The following NDUFS5 variants were observed in gnomAD, a reference collection of about 807,000 sequenced individuals.
NDUFS5 encodes NADH dehydrogenase [ubiquinone] iron-sulfur protein 5.
Under a neutral mutation model 10.5 loss-of-function variants are expected in NDUFS5, and 7 were observed. That is an observed-to-expected ratio of 0.66 (90% CI 0.38 to 1.25). NDUFS5 has a LOEUF of 1.25. NDUFS5 is among the 50% of genes most tolerant of loss of function. The pLI is 0.02. For missense variants in NDUFS5, 148 were observed against 140.7 expected (o/e 1.05, Z -0.26); for synonymous variants, 38 against 44.0 (o/e 0.86, Z 0.54).
chr1:39,034,237 G>A (rs1249459037), intron 2 of NDUFS5, among the ~76,000 whole-genome samples, 155 bp from the exon 3 acceptor site: 1 of 152,152 alleles, frequency 6.6e-6, no homozygotes, highest in African/African-American at 2.4e-5. Flanking sequence ...GTGATTTCAT[G>A]TTAATTCTTT....
chr1:39,027,204 G>A (rs1385987151), intron 1 of NDUFS5, among the ~76,000 whole-genome samples: 2 of 152,138 alleles, frequency 1.3e-5, no homozygotes, highest in African/African-American at 2.4e-5. Context: ...CCGAGTAGCT[G>A]GGATTACAGG....
At chr1:39,032,155 C>T (rs558974694) in intron 2 of NDUFS5, among the ~76,000 whole-genome samples, 47 of 152,208 alleles carry the variant, frequency 3.1e-4, no homozygotes, top group African/African-American at 1.1e-3. Context: ...AAGAGTGAAA[C>T]TCTGTGTCAA....
At chr1:39,028,568 G>A (rs1158026864) in intron 1 of NDUFS5, among the ~76,000 whole-genome samples, 155 bp from the exon 2 acceptor site, 1 of 152,188 alleles carries the variant, frequency 6.6e-6, no homozygotes, top group Admixed American at 6.5e-5. Context: ...CCTATTTAAT[G>A]AAAAAGTTTG....
At chr1:39,028,133 T>TA (rs1382846708) in intron 1 of NDUFS5, among the ~76,000 whole-genome samples, 1 of 138,694 alleles carries the variant, frequency 7.2e-6, no homozygotes, top group Non-Finnish European at 1.6e-5. Context: ...AAGTGGCTGA[T>TA]TTAAAAAAAA....
intron 1 of NDUFS5, among the ~76,000 whole-genome samples, chr1:39,027,811 CTTCTTTTTTTTTTTT>C (rs1557651108): frequency 1.5e-4 from 9 of 58,620 alleles, no homozygotes; most frequent in Non-Finnish European, 1.5e-4. Context: ...TTTTCTTCTT[CTTCTTTTTTTTTTTT>C]TTTTTTTTTT....
chr1:39,032,470 ACTT>A (rs1197568235), intron 2 of NDUFS5, among the ~76,000 whole-genome samples: 3 of 152,264 alleles, frequency 2.0e-5, no homozygotes, highest in Admixed American at 6.5e-5. Flanking sequence ...TATCAACACT[ACTT>A]CTTTAAGGTT....
chr1:39,029,938 A>G (rs1014562269), intron 2 of NDUFS5, among the ~76,000 whole-genome samples: 1 of 151,708 alleles, frequency 6.6e-6, no homozygotes, highest in Non-Finnish European at 1.5e-5. Context: ...TAAAAATACA[A>G]AAATTAGCAG....
At position 39,034,424 on chromosome 1, in the gene NDUFS5, G is replaced by A. The variant is rs1644214385; in HGVS notation, c.249G>A (p.Arg83=). 6.2e-7 allele frequency: 1 copy of A among 1,613,406 alleles called. No homozygotes were observed. The highest frequency in any genetic ancestry group is 1.3e-5 in the African/African-American group (1 of 74,868). The change falls in exon 3 of 3, where the codon CGG becomes CGA. Residue 83 remains arginine (R), a synonymous_variant. Transcript: ENST00000372969. ...GTGCAGGTACCATCAGGAAGCAGCGGGATAAGCTGATAAAGGAAGGAAAGT... is the reference window on the plus strand; with the variant it reads ...GTGCAGGTACCATCAGGAAGCAGCGAGATAAGCTGATAAAGGAAGGAAAGT... The part of the protein sequence containing the change: ...MRRAGTIRKQ[R]DKLIKEGKYT...
At chr1:39,030,771 C>T (rs995814112) in intron 2 of NDUFS5, among the ~76,000 whole-genome samples, 2 of 151,244 alleles carry the variant, frequency 1.3e-5, no homozygotes, top group African/African-American at 4.9e-5. Context: ...TTGATACCAA[C>T]AGGAGGCATT....
intron 2 of NDUFS5, 150 bp downstream of exon 2, chr1:39,029,090 T>C (rs1251141906): frequency 1.4e-6 from 1 of 697,554 alleles, no homozygotes; most frequent in Non-Finnish European, 2.3e-6. Flanking sequence ...CCTCCCAGGT[T>C]CAGGCGATTC....
chr1:39,033,802 T>G (rs566774324), intron 2 of NDUFS5, among the ~76,000 whole-genome samples: 141 of 149,184 alleles, frequency 9.5e-4, no homozygotes, highest in South Asian at 4.3e-3. Flanking sequence ...GGCCCAACTT[T>G]TATTTATTTA....
At chr1:39,032,298 T>C (rs1314770744) in intron 2 of NDUFS5, among the ~76,000 whole-genome samples, 1 of 152,230 alleles carries the variant, frequency 6.6e-6, no homozygotes, top group Non-Finnish European at 1.5e-5. Flanking sequence ...TATGCTTTTA[T>C]CCAGAGTTAC....
Position 39,028,875 on chromosome 1 carries a change from C to T in NDUFS5, c.151C>T (p.Arg51Trp). 6 of 1,613,928 alleles carry T rather than the reference C, an allele frequency of 3.7e-6. No individual in the cohort carries two copies. The highest frequency in any genetic ancestry group is 1.1e-5 in the South Asian group (1 of 91,058). ...ATGTGCACATGGAATCGGTTATACT[C>T]GGGCAGAGAAAGAGTGCAAGATAGA... is the stretch of plus-strand genomic sequence containing the variant. ...IECAHGIGYT[R>W]AEKECKIEYD... Residue 51 changes from arginine to tryptophan, a missense_variant, in exon 2 of 3, where the codon CGG becomes TGG. Physicochemically the swap from Arg to Trp is moderately radical, Grantham distance 101 (BLOSUM62 -3). Coordinates refer to ENST00000372969, the MANE Select transcript of NDUFS5 (RefSeq NM_004552.3).
chr1:39,028,357 TGGA>T (rs2148080910), intron 1 of NDUFS5, among the ~76,000 whole-genome samples: 1 of 151,778 alleles, frequency 6.6e-6, no homozygotes, highest in East Asian at 2.0e-4. Flanking sequence ...GCTTGAACCC[TGGA>T]GGAGGAGGTT....
intron 2 of NDUFS5, among the ~76,000 whole-genome samples, chr1:39,033,426 A>G (rs1271203720): frequency 3.3e-5 from 5 of 151,276 alleles, no homozygotes; most frequent in African/African-American, 1.2e-4. Context: ...ACAAAAAATT[A>G]GCCGGGTGTG....
chr1:39,030,144 C>T (rs1644179782), intron 2 of NDUFS5, among the ~76,000 whole-genome samples: 1 of 151,434 alleles, frequency 6.6e-6, no homozygotes, highest in East Asian at 1.9e-4. Flanking sequence ...GTGGCTCATG[C>T]CTGTGATCCC....
Position 39,027,180 on chromosome 1 carries a change from C to T in NDUFS5, c.-3+778C>T, listed in dbSNP as rs180766746. Among the ~76,000 whole-genome samples, 11 of 152,298 alleles carry T rather than the reference C, an allele frequency of 7.2e-5. No individual in the cohort carries two copies. The East Asian group carries it at 1.5e-3, about 21-fold the overall frequency. ...CTGCCTCCCGGATTCAAGCGATTCT[C>T]CTCCCTGAGACTCCCGAGTAGCTGG... On this transcript the variant is annotated intron_variant, in intron 1 of 2. Transcript: ENST00000372969.
At chr1:39,027,581 GTTT>G (rs760373747) in intron 1 of NDUFS5, among the ~76,000 whole-genome samples, 21 of 91,160 alleles carry the variant, frequency 2.3e-4, no homozygotes, top group South Asian at 1.9e-3. Context: ...TTTCGCTCTG[GTTT>G]TTTTTTTTTT....
In NDUFS5 at chr1:39,030,597, C is replaced by A. The variant is rs183168233; in HGVS notation, c.216+1657C>A. On this transcript the variant is annotated intron_variant, in intron 2 of 2. Coordinates refer to ENST00000372969, the MANE Select transcript of NDUFS5 (RefSeq NM_004552.3). ...TGGCTGGCGCCTATAGTCCCAGCTA[C>A]TCGGGAGGCTGAGGCAGGAGGCTGA... is the stretch of plus-strand genomic sequence containing the variant. 2.0e-5 allele frequency among the ~76,000 whole-genome samples: 3 copies of A among 151,102 alleles called. No homozygotes were observed. In the East Asian group the frequency reaches 6.0e-4, roughly 30 times the overall value.
Sources: allele counts gnomAD v4.1 joint callset (sites outside exome capture counted in the v4.1 genomes callset), GRCh38; gene constraint gnomAD v4.1.1; transcripts MANE v1.5; gene names NCBI Gene and HGNC (gene_info 2026-07-23, HGNC 2026-07-21).